RANBP17: variants seen among roughly 807,000 people sequenced by gnomAD.
RANBP17 encodes the protein RAN binding protein 17, also known as ran-binding protein 17.
In RANBP17, 158 loss-of-function variants were observed where a neutral mutation model predicts 141.2. The observed-to-expected ratio is 1.12, with a 90% CI of 0.98 to 1.28. The LOEUF (loss-of-function observed/expected upper bound fraction) is 1.28, where lower values mean the gene tolerates loss of function less well. Among genes scored for constraint, RANBP17 ranks in the 50% most tolerant of loss-of-function variants. The pLI is 0.00. For missense variants in RANBP17, 1,438 were observed against 1,290.7 expected (o/e 1.11, Z -1.75); for synonymous variants, 430 against 450.0 (o/e 0.96, Z 0.56).
At chr5:171,118,647 C>A (rs1755810879) in intron 14 of RANBP17, among the ~76,000 whole-genome samples, 1 of 151,914 alleles carries the variant, frequency 6.6e-6, no homozygotes. Flanking sequence ...ATTTTTGTAG[C>A]TAGTATTGTA....
chr5:170,883,752 A>G (rs763395211), intron 3 of RANBP17, among the ~76,000 whole-genome samples: 4 of 152,074 alleles, frequency 2.6e-5, no homozygotes, highest in Non-Finnish European at 4.4e-5. Flanking sequence ...ATATGCATTT[A>G]AGGTTCCTCC....
chr5:171,045,199 CATT>C, intron 14 of RANBP17, among the ~76,000 whole-genome samples: 1 of 152,056 alleles, frequency 6.6e-6, no homozygotes, highest in African/African-American at 2.4e-5. Flanking sequence ...CAAAAGAAAA[CATT>C]ATTTCTAGTT....
intron 14 of RANBP17, among the ~76,000 whole-genome samples, chr5:171,138,964 C>G (rs1757508617): frequency 1.3e-5 from 2 of 152,008 alleles, no homozygotes; most frequent in Non-Finnish European, 2.9e-5. Flanking sequence ...GTAGTGCCAG[C>G]TACTTGAGAG....
At position 170,876,341 on chromosome 5, in the gene RANBP17, G is replaced by A. The variant is rs572532696; in HGVS notation, c.19-1756G>A. ...ATGTTGTTTTGGTTCTTCTCAGTGG[G>A]AGCCTCCGATCGCCACTGCTTCTAG... On this transcript the variant is annotated intron_variant, in intron 1 of 27. Coordinates refer to ENST00000523189, the MANE Select transcript of RANBP17 (RefSeq NM_022897.5). Among the ~76,000 whole-genome samples, 280 of 151,902 alleles carry A rather than the reference G, an allele frequency of 1.8e-3. 1 individual carries two copies. Among genetic ancestry groups the A allele is most frequent in the Non-Finnish European group, 3.4e-3 (228 of 67,932 alleles).
intron 14 of RANBP17, among the ~76,000 whole-genome samples, chr5:171,144,645 C>A (rs1273244190): frequency 1.3e-5 from 2 of 152,126 alleles, no homozygotes; most frequent in Admixed American, 1.3e-4. Context: ...GGTGTTTTGT[C>A]CTTTATGGTC....
intron 14 of RANBP17, among the ~76,000 whole-genome samples, chr5:171,141,332 C>CA (rs1305153738): frequency 8.6e-5 from 13 of 151,732 alleles, no homozygotes; most frequent in Non-Finnish European, 1.8e-4. Flanking sequence ...CGCAGTGCCT[C>CA]ACACCTGTAA....
At position 171,277,880 on chromosome 5, in the gene RANBP17, A is replaced by G. The variant is rs114391577; in HGVS notation, c.2943+12033A>G. ...GGAAGAGTGGCAGGAAGAGCCATAC[A>G]GCATTCTTCAATCAAGAACTGAATT... On this transcript the variant is annotated intron_variant, in intron 25 of 27. Transcript: ENST00000523189. Among the ~76,000 whole-genome samples the G allele has an allele frequency of 9.7e-3, 1,423 of 147,212 alleles. 23 individuals carry two copies. Among genetic ancestry groups the G allele is most frequent in the African/African-American group, 0.034 (1,370 of 39,986 alleles).
chr5:171,199,613 G>T, intron 18 of RANBP17, 57 bp from the exon 19 acceptor site: 2 of 1,081,214 alleles, frequency 1.8e-6, no homozygotes, highest in South Asian at 1.4e-5. Flanking sequence ...CAATGCTGAG[G>T]ACAATGTACA....
intron 24 of RANBP17, chr5:171,252,979 C>G (rs750696437): frequency 7.1e-7 from 1 of 1,399,472 alleles, no homozygotes; most frequent in African/African-American, 1.4e-5. Context: ...CTATCAGTCT[C>G]GGGATTGAGG....
At chr5:171,028,693 T>C (rs1781373166) in intron 14 of RANBP17, among the ~76,000 whole-genome samples, 1 of 152,224 alleles carries the variant, frequency 6.6e-6, no homozygotes, top group Non-Finnish European at 1.5e-5. Flanking sequence ...TTTAGGCTTT[T>C]GATACCTTGA....
chr5:171,289,984 C>T (rs1561832955), intron 25 of RANBP17, among the ~76,000 whole-genome samples: 3 of 151,934 alleles, frequency 2.0e-5, no homozygotes, highest in African/African-American at 4.8e-5. Flanking sequence ...GAGCTGAGAG[C>T]GTACCACTGC....
At chr5:171,069,370 T>G (rs1378639380) in intron 14 of RANBP17, among the ~76,000 whole-genome samples, 1 of 152,172 alleles carries the variant, frequency 6.6e-6, no homozygotes, top group African/African-American at 2.4e-5. Context: ...TTTACCAGCT[T>G]CTTTATTCAT....
intron 14 of RANBP17, among the ~76,000 whole-genome samples, chr5:171,089,883 G>A (rs983083898): frequency 5.3e-5 from 8 of 152,192 alleles, no homozygotes; most frequent in East Asian, 1.9e-4. Flanking sequence ...AGATGCACCC[G>A]GTACCTCAGA....
chr5:170,873,585 T>G (rs149202918), intron 1 of RANBP17, among the ~76,000 whole-genome samples: 1 of 152,216 alleles, frequency 6.6e-6, no homozygotes, highest in African/African-American at 2.4e-5. Context: ...GGTGTATATG[T>G]CCAGGAATTT....
intron 18 of RANBP17, among the ~76,000 whole-genome samples, chr5:171,199,463 A>C (rs1328225566): frequency 6.6e-6 from 1 of 152,226 alleles, no homozygotes; most frequent in Admixed American, 6.5e-5. Context: ...ATGGCTGGTA[A>C]GTAATTTTGC....
At chr5:170,914,651 C>A (rs1413860663) in intron 8 of RANBP17, among the ~76,000 whole-genome samples, 1 of 152,150 alleles carries the variant, frequency 6.6e-6, no homozygotes, top group Non-Finnish European at 1.5e-5. Context: ...AGGCTGTCCC[C>A]TTCAGATCTC....
intron 18 of RANBP17, among the ~76,000 whole-genome samples, chr5:171,188,920 TA>T (rs1761446038): frequency 2.0e-5 from 3 of 152,254 alleles, no homozygotes; most frequent in Non-Finnish European, 4.4e-5. Flanking sequence ...TAGTATTGCT[TA>T]ATGTAAACTA....
chr5:171,189,356 G>A (rs1761478253), intron 18 of RANBP17, among the ~76,000 whole-genome samples: 1 of 152,206 alleles, frequency 6.6e-6, no homozygotes, highest in South Asian at 2.1e-4. Flanking sequence ...GATTTGTTGT[G>A]TAAACTACCA....
At chr5:171,114,091 G>A (rs1038244637) in intron 14 of RANBP17, among the ~76,000 whole-genome samples, 8 of 151,746 alleles carry the variant, frequency 5.3e-5, no homozygotes, top group African/African-American at 1.9e-4. Context: ...TTCTAATATG[G>A]TAAATATCAA....
Sources: gnomAD v4.1 joint callset for allele counts (sites outside exome capture counted in the v4.1 genomes callset) on GRCh38, gnomAD v4.1.1 for gene constraint, MANE v1.5 for transcripts, NCBI Gene and HGNC (gene_info 2026-07-23, HGNC 2026-07-21) for gene names.